The following RABGAP1L variants were observed in gnomAD, a reference collection of about 807,000 sequenced individuals.
The protein encoded by RABGAP1L is rab GTPase-activating protein 1-like.
Under a neutral mutation model 137.7 loss-of-function variants are expected in RABGAP1L, and 63 were observed. The observed-to-expected ratio is 0.46, with a 90% CI of 0.37 to 0.56. The LOEUF (loss-of-function observed/expected upper bound fraction) is 0.56. Among genes scored for constraint, RABGAP1L ranks in the 20% least tolerant of loss-of-function variants. The probability of loss-of-function intolerance (pLI) is 0.00; values close to 1 mark genes in which losing one functional copy is unlikely to be tolerated. For missense variants in RABGAP1L, 1,095 were observed against 1,244.0 expected, an observed-to-expected ratio of 0.88 and a Z score of 1.80; for synonymous variants, 431 against 433.7, an observed-to-expected ratio of 0.99 and a Z score of 0.08.
rs190970774 is a variant in RABGAP1L, at chr1:174,423,651, T to A, written c.1710+29506T>A. On this transcript the variant is annotated intron_variant, in intron 13 of 25. Transcript: ENST00000681986. ...TTATAAATATTTATATTTAACCAATTTTCTCTAAACCCTTTTGGAGGTCTT... is the reference window on the plus strand; with the variant it reads ...TTATAAATATTTATATTTAACCAATATTCTCTAAACCCTTTTGGAGGTCTT... Among the ~76,000 whole-genome samples, 5 of 152,276 alleles carry A rather than the reference T, an allele frequency of 3.3e-5. No homozygotes were observed. The East Asian group carries it at 9.6e-4, about 29-fold the overall frequency.
intron 11 of RABGAP1L, among the ~76,000 whole-genome samples, chr1:174,305,350 C>T (rs140387301): frequency 3.3e-5 from 5 of 152,272 alleles, no homozygotes; most frequent in Non-Finnish European, 7.4e-5. Flanking sequence ...GACAGCATCA[C>T]TTGGCTGCTG....
At chr1:174,464,561 G>T (rs1200451613) in intron 13 of RABGAP1L, among the ~76,000 whole-genome samples, 16 of 151,330 alleles carry the variant, frequency 1.1e-4, no homozygotes, top group Admixed American at 1.1e-3. Flanking sequence ...CTCTTTTTTT[G>T]TTGTTGTTTT....
intron 13 of RABGAP1L, among the ~76,000 whole-genome samples, chr1:174,450,818 G>A (rs1655354666): frequency 6.6e-6 from 1 of 152,010 alleles, no homozygotes; most frequent in Admixed American, 6.6e-5. Flanking sequence ...TTTCTTCTCA[G>A]CATTTTTGAT....
intron 13 of RABGAP1L, among the ~76,000 whole-genome samples, chr1:174,403,249 A>G (rs28735349): frequency 0.15 from 9,055 of 58,960 alleles, 406 homozygotes; most frequent in African/African-American, 0.38. Context: ...GTGTGTGTGT[A>G]TATATATGTG....
At chr1:174,264,330 T>C (rs540233456) in intron 7 of RABGAP1L, among the ~76,000 whole-genome samples, 15 of 152,158 alleles carry the variant, frequency 9.9e-5, no homozygotes, top group Non-Finnish European at 2.1e-4. Context: ...GCTAATTTTC[T>C]ACTTGTATAC....
Position 174,208,330 on chromosome 1 carries a change from G to A in RABGAP1L, c.-33-10795G>A, listed in dbSNP as rs542146603. Among the ~76,000 whole-genome samples the A allele has an allele frequency of 7.3e-5, 11 of 151,724 alleles. No homozygotes were observed. The South Asian group carries it at 2.3e-3, about 32-fold the overall frequency. ...GACAATCATGTAATCTGTAAATAAA[G>A]ACAGTTTGATTTCTTCCTTTCCAAT... On this transcript the variant is annotated intron_variant, in intron 1 of 25. Coordinates refer to ENST00000681986, the MANE Select transcript of RABGAP1L (RefSeq NM_001366446.1).
At chr1:174,556,342 AAGATT>A (rs1422167065) in intron 13 of RABGAP1L, among the ~76,000 whole-genome samples, 2 of 152,282 alleles carry the variant, frequency 1.3e-5, no homozygotes, top group African/African-American at 2.4e-5. Flanking sequence ...TCATTTTAGA[AAGATT>A]AGAATATACT....
At chr1:174,172,755 T>C (rs1665522109) in intron 1 of RABGAP1L, among the ~76,000 whole-genome samples, 1 of 152,230 alleles carries the variant, frequency 6.6e-6, no homozygotes, top group African/African-American at 2.4e-5. Context: ...ATTTTGGATA[T>C]TAACCCTTTA....
intron 19 of RABGAP1L, among the ~76,000 whole-genome samples, chr1:174,818,641 G>A (rs1214131251): frequency 6.6e-6 from 1 of 151,760 alleles, no homozygotes; most frequent in Non-Finnish European, 1.5e-5. Flanking sequence ...TTTGGGAGGC[G>A]GAGGTAGGAG....
chr1:174,254,255 T>C (rs898082611), intron 7 of RABGAP1L, among the ~76,000 whole-genome samples: 3 of 152,240 alleles, frequency 2.0e-5, no homozygotes, highest in African/African-American at 7.2e-5. Flanking sequence ...AAACCATCTT[T>C]TATAAATTTT....
intron 13 of RABGAP1L, among the ~76,000 whole-genome samples, chr1:174,560,761 T>G (rs534065910): frequency 6.6e-6 from 1 of 152,266 alleles, no homozygotes; most frequent in Non-Finnish European, 1.5e-5. Flanking sequence ...GTTCCCATCT[T>G]TATGCCCATG....
chr1:174,515,271 C>T (rs1406379172), intron 13 of RABGAP1L, among the ~76,000 whole-genome samples: 1 of 152,076 alleles, frequency 6.6e-6, no homozygotes, highest in Non-Finnish European at 1.5e-5. Flanking sequence ...AAATATCCAC[C>T]ACTTTTGGGA....
intron 10 of RABGAP1L, among the ~76,000 whole-genome samples, chr1:174,280,905 AG>A (rs1458773100): frequency 1.3e-5 from 2 of 152,066 alleles, no homozygotes; most frequent in African/African-American, 4.8e-5. Flanking sequence ...TCAGATGTAC[AG>A]ATGTGTCTGG....
rs7524297 is a variant in RABGAP1L, at chr1:174,502,729, C to T, written c.1710+108584C>T. Among the ~76,000 whole-genome samples the T allele has an allele frequency of 9.5e-3, 1,429 of 150,096 alleles. 24 individuals are homozygous for T. The highest frequency in any genetic ancestry group is 0.033 in the African/African-American group (1,365 of 40,900). Reference sequence around the variant, plus strand: ...ATGTGCATATATATACACACACACACATATATATATTTATATTCCAGAATA... The same window carrying T: ...ATGTGCATATATATACACACACACATATATATATATTTATATTCCAGAATA... On this transcript the variant is annotated intron_variant, in intron 13 of 25. Coordinates refer to ENST00000681986, the MANE Select transcript of RABGAP1L (RefSeq NM_001366446.1).
At chr1:174,872,889 ATC>A (rs1253535276) in intron 19 of RABGAP1L, among the ~76,000 whole-genome samples, 2 of 151,956 alleles carry the variant, frequency 1.3e-5, no homozygotes, top group African/African-American at 4.8e-5. Context: ...CATTTTGGAG[ATC>A]CTTAACATTG....
chr1:174,692,053 TG>T (rs1412972213), intron 15 of RABGAP1L, among the ~76,000 whole-genome samples: 3 of 152,228 alleles, frequency 2.0e-5, no homozygotes, highest in Non-Finnish European at 4.4e-5. Context: ...CTAATATAGT[TG>T]CATTTGGCTG....
intron 13 of RABGAP1L, among the ~76,000 whole-genome samples, chr1:174,549,676 C>T (rs1666281434): frequency 1.3e-5 from 2 of 152,092 alleles, no homozygotes; most frequent in South Asian, 4.2e-4. Context: ...TTCCCTAAAC[C>T]AAGAATAATT....
At chr1:174,449,188 C>G in intron 13 of RABGAP1L, 1 of 1,595,368 alleles carries the variant, frequency 6.3e-7, no homozygotes, top group East Asian at 2.2e-5. Flanking sequence ...CTAATTCTTG[C>G]TCCATTTGAA....
At chr1:174,729,858 T>C (rs879489225) in intron 17 of RABGAP1L, among the ~76,000 whole-genome samples, 21 of 152,228 alleles carry the variant, frequency 1.4e-4, no homozygotes, top group African/African-American at 5.1e-4. Context: ...GAAACACTTA[T>C]ACACTGTTGG....
Sources: gnomAD v4.1 joint callset for allele counts (sites outside exome capture counted in the v4.1 genomes callset) on GRCh38, gnomAD v4.1.1 for gene constraint, MANE v1.5 for transcripts, NCBI Gene and HGNC (gene_info 2026-07-23, HGNC 2026-07-21) for gene names.